The following PTPRD variants were observed in gnomAD, a reference collection of about 807,000 sequenced individuals.
PTPRD encodes the protein receptor-type tyrosine-protein phosphatase delta.
In PTPRD, 34 loss-of-function variants were observed where a neutral mutation model predicts 214.5. The ratio of observed to expected loss-of-function variants is 0.16; its 90% CI spans 0.12 to 0.21. PTPRD has a LOEUF of 0.21. Among genes scored for constraint, PTPRD ranks in the 10% least tolerant of loss-of-function variants. The pLI is 1.00. For missense variants in PTPRD, 2,545 were observed against 2,398.7 expected, an observed-to-expected ratio of 1.06 and a Z score of -1.27; for synonymous variants, 1,128 against 845.7, an observed-to-expected ratio of 1.33 and a Z score of -5.79.
At chr9:10,239,965 C>T (rs1177280960) in intron 3 of PTPRD, among the ~76,000 whole-genome samples, 8 of 151,820 alleles carry the variant, frequency 5.3e-5, no homozygotes, top group Admixed American at 1.3e-4. Flanking sequence ...TCCTGAGTCA[C>T]GATTGGCCAT....
At chr9:8,857,295 C>T (rs2097939964) in intron 11 of PTPRD, among the ~76,000 whole-genome samples, 1 of 152,138 alleles carries the variant, frequency 6.6e-6, no homozygotes, top group Non-Finnish European at 1.5e-5. Context: ...GGTGGATTGC[C>T]CCACCGCTCC....
intron 7 of PTPRD, among the ~76,000 whole-genome samples, chr9:9,668,530 T>C (rs933864835): frequency 2.0e-5 from 3 of 152,136 alleles, no homozygotes; most frequent in African/African-American, 7.2e-5. Flanking sequence ...TAAGTTTTGA[T>C]TGGCCATTTT....
chr9:8,367,709 C>G (rs763427549), intron 39 of PTPRD, among the ~76,000 whole-genome samples: 2 of 152,178 alleles, frequency 1.3e-5, no homozygotes, highest in Non-Finnish European at 2.9e-5. Context: ...AGAACTCAAA[C>G]TCACAGTCCA....
intron 9 of PTPRD, among the ~76,000 whole-genome samples, chr9:9,350,335 T>C (rs1219763850): frequency 6.6e-6 from 1 of 152,100 alleles, no homozygotes; most frequent in Non-Finnish European, 1.5e-5. Context: ...GATATGGATT[T>C]CTGCATACAA....
chr9:9,473,160 C>T (rs1453329287), intron 8 of PTPRD, among the ~76,000 whole-genome samples: 3 of 152,182 alleles, frequency 2.0e-5, no homozygotes, highest in Non-Finnish European at 2.9e-5. Context: ...CACAATTCTA[C>T]TCTCTACTTC....
intron 7 of PTPRD, among the ~76,000 whole-genome samples, chr9:9,607,545 A>C (rs1016359543): frequency 6.6e-6 from 1 of 152,134 alleles, no homozygotes; most frequent in Non-Finnish European, 1.5e-5. Context: ...CAAAAGATGC[A>C]AAGTTTATAT....
At chr9:9,626,885 T>G in intron 7 of PTPRD, among the ~76,000 whole-genome samples, 1 of 152,032 alleles carries the variant, frequency 6.6e-6, no homozygotes, top group East Asian at 1.9e-4. Context: ...TGAAAGGAGA[T>G]GAAGGAAAAA....
intron 8 of PTPRD, among the ~76,000 whole-genome samples, chr9:9,409,612 TATA>T (rs1306766984): frequency 6.6e-6 from 1 of 152,008 alleles, no homozygotes. Context: ...ATGAGCTCAA[TATA>T]AAAAGTACAA....
intron 10 of PTPRD, among the ~76,000 whole-genome samples, chr9:9,097,439 C>T (rs1335355566): frequency 6.7e-6 from 1 of 149,704 alleles, no homozygotes; most frequent in African/African-American, 2.5e-5. Context: ...GATGGAGTCT[C>T]GCTCTGTCAC....
intron 10 of PTPRD, among the ~76,000 whole-genome samples, chr9:9,118,284 G>A (rs1362349565): frequency 6.6e-6 from 1 of 152,188 alleles, no homozygotes; most frequent in Non-Finnish European, 1.5e-5. Context: ...GGATCTACCT[G>A]AGAATACATG....
At chr9:10,594,766 G>A (rs557330005) in intron 2 of PTPRD, among the ~76,000 whole-genome samples, 1 of 152,078 alleles carries the variant, frequency 6.6e-6, no homozygotes, top group East Asian at 1.9e-4. Flanking sequence ...CTGGTTCAAA[G>A]GTGTGTGGTA....
chr9:10,370,824 T>A (rs2154477419), intron 2 of PTPRD, among the ~76,000 whole-genome samples: 1 of 152,088 alleles, frequency 6.6e-6, no homozygotes, highest in East Asian at 1.9e-4. Flanking sequence ...AAAGATCTCT[T>A]CTCTCCTGAG....
At chr9:9,080,586 C>CA (rs1159928172) in intron 10 of PTPRD, among the ~76,000 whole-genome samples, 1 of 152,032 alleles carries the variant, frequency 6.6e-6, no homozygotes, top group African/African-American at 2.4e-5. Context: ...GTAGAGATAG[C>CA]ATGTGACTCC....
At chr9:9,103,196 T>A (rs1165212339) in intron 10 of PTPRD, among the ~76,000 whole-genome samples, 1 of 152,184 alleles carries the variant, frequency 6.6e-6, no homozygotes, top group East Asian at 1.9e-4. Flanking sequence ...AAAAGTCTAA[T>A]TAATATTATT....
chr9:10,567,447 T>C (rs1376592501), intron 2 of PTPRD, among the ~76,000 whole-genome samples: 1 of 152,152 alleles, frequency 6.6e-6, no homozygotes, highest in African/African-American at 2.4e-5. Flanking sequence ...TGTAATTTTA[T>C]AGTATATTAT....
chr9:9,411,028 C>A (rs529022300), intron 8 of PTPRD, among the ~76,000 whole-genome samples: 3 of 151,422 alleles, frequency 2.0e-5, no homozygotes, highest in East Asian at 1.9e-4. Context: ...CCCACCACAG[C>A]TGCAAAACCT....
At chr9:9,731,451 G>A (rs1477432404) in intron 7 of PTPRD, among the ~76,000 whole-genome samples, 1 of 101,158 alleles carries the variant, frequency 9.9e-6, no homozygotes, top group South Asian at 2.7e-4. Flanking sequence ...TTCTAGAAAT[G>A]GAAATTTAAG....
At chr9:10,589,122 A>G (rs566334012) in intron 2 of PTPRD, among the ~76,000 whole-genome samples, 157 of 152,168 alleles carry the variant, frequency 1.0e-3, no homozygotes, top group Non-Finnish European at 1.8e-3. Context: ...GCTGTAGGTA[A>G]AGTTGAAATC....
At chr9:9,147,477 A>G (rs892403663) in intron 10 of PTPRD, among the ~76,000 whole-genome samples, 4 of 152,082 alleles carry the variant, frequency 2.6e-5, no homozygotes, top group African/African-American at 9.7e-5. Flanking sequence ...GTGTTGGCAA[A>G]CTACACTAGG....
Sources: gnomAD v4.1 joint callset for allele counts (sites outside exome capture counted in the v4.1 genomes callset) on GRCh38, gnomAD v4.1.1 for gene constraint, MANE v1.5 for transcripts, NCBI Gene and HGNC (gene_info 2026-07-23, HGNC 2026-07-21) for gene names.